Variants in FHIT observed in about 807,000 individuals in gnomAD.
The protein encoded by FHIT is fragile histidine triad diadenosine triphosphatase, also known as bis(5'-adenosyl)-triphosphatase.
FHIT carries 19 observed loss-of-function variants against 17.9 expected under a neutral mutation model. The ratio of observed to expected loss-of-function variants is 1.06; its 90% CI spans 0.74 to 1.56. The LOEUF is 1.56. Ranked by LOEUF, FHIT falls within the 40% of genes most tolerant of loss-of-function variation. The probability of loss-of-function intolerance (pLI) is 0.00; values close to 1 mark genes in which losing one functional copy is unlikely to be tolerated. For missense variants in FHIT, 248 were observed against 189.2 expected (o/e 1.31, Z -1.82); for synonymous variants, 81 against 69.7 (o/e 1.16, Z -0.81).
intron 8 of FHIT, among the ~76,000 whole-genome samples, chr3:59,886,731 C>T (rs1234955642): frequency 6.6e-6 from 1 of 152,192 alleles, no homozygotes; most frequent in African/African-American, 2.4e-5. Flanking sequence ...TGAGGCCCCA[C>T]TTCCAATATT....
chr3:59,858,087 CAG>C (rs1702244653), intron 8 of FHIT, among the ~76,000 whole-genome samples: 1 of 152,158 alleles, frequency 6.6e-6, no homozygotes, highest in Non-Finnish European at 1.5e-5. Flanking sequence ...GTAAGTAATG[CAG>C]AGAGAGTAAA....
At chr3:60,623,103 C>T (rs1553679380) in intron 4 of FHIT, among the ~76,000 whole-genome samples, 1 of 152,166 alleles carries the variant, frequency 6.6e-6, no homozygotes, top group Non-Finnish European at 1.5e-5. Context: ...ACCTACAGTG[C>T]CTAGTGCGGG....
chr3:60,571,337 A>ATAAT (rs71092618), intron 4 of FHIT, among the ~76,000 whole-genome samples: 1 of 76,234 alleles, frequency 1.3e-5, no homozygotes, highest in Non-Finnish European at 2.7e-5. Flanking sequence ...CTCCATCGCA[A>ATAAT]AAAAAAAAAA....
chr3:60,621,106 C>T (rs1467147802), intron 4 of FHIT, among the ~76,000 whole-genome samples: 3 of 151,384 alleles, frequency 2.0e-5, no homozygotes, highest in Non-Finnish European at 4.4e-5. Context: ...GGCAAATGCT[C>T]CTCACAGTTT....
At chr3:61,043,054 A>G (rs926942196) in intron 2 of FHIT, among the ~76,000 whole-genome samples, 2 of 152,132 alleles carry the variant, frequency 1.3e-5, no homozygotes, top group Non-Finnish European at 2.9e-5. Context: ...CGCAGAAGAC[A>G]GGTGATTTCT....
chr3:60,539,120 A>G (rs2036091776), intron 4 of FHIT, among the ~76,000 whole-genome samples: 1 of 152,232 alleles, frequency 6.6e-6, no homozygotes, highest in Non-Finnish European at 1.5e-5. Context: ...CCCCATCAAC[A>G]AGTGGGCGAA....
intron 2 of FHIT, among the ~76,000 whole-genome samples, chr3:61,079,077 C>T (rs2035053567): frequency 6.6e-6 from 1 of 152,042 alleles, no homozygotes. Context: ...AGAGATTGTT[C>T]TCAAAATGTT....
chr3:60,357,941 T>C lies in FHIT; in HGVS notation c.103+178919A>G, dbSNP rs149346688. Among the ~76,000 whole-genome samples, 437 of 152,268 alleles carry C rather than the reference T, an allele frequency of 2.9e-3. 6 individuals carry two copies. The Middle Eastern group carries it at 0.041, about 14-fold the overall frequency. Reference sequence around the variant, plus strand: ...CCCAGTAGATAAAAGACTCTCATAATTGTATTATGTACAGCAGCATCAGCA... The same window carrying C: ...CCCAGTAGATAAAAGACTCTCATAACTGTATTATGTACAGCAGCATCAGCA... On this transcript the variant is annotated intron_variant, in intron 5 of 9. Coordinates refer to ENST00000492590, the MANE Select transcript of FHIT (RefSeq NM_002012.4).
At chr3:59,856,862 C>A (rs552985895) in intron 8 of FHIT, among the ~76,000 whole-genome samples, 2 of 130,584 alleles carry the variant, frequency 1.5e-5, no homozygotes, top group Non-Finnish European at 3.2e-5. Flanking sequence ...CTTAGCTCCC[C>A]GGCTGAGTAT....
chr3:60,467,057 T>C (rs991001752), intron 5 of FHIT, among the ~76,000 whole-genome samples: 1 of 152,020 alleles, frequency 6.6e-6, no homozygotes, highest in African/African-American at 2.4e-5. Context: ...TTACTTCGTC[T>C]GTTCAGGTTT....
At chr3:59,933,893 T>C (rs1266732013) in intron 7 of FHIT, among the ~76,000 whole-genome samples, 1 of 152,184 alleles carries the variant, frequency 6.6e-6, no homozygotes, top group Non-Finnish European at 1.5e-5. Flanking sequence ...TGTGAAAGTT[T>C]TTAAAGAATG....
rs1003704416 is a variant in FHIT at position 61,016,349 on chromosome 3, A to C, written c.-111+25698T>G. On this transcript the variant is annotated intron_variant, in intron 3 of 9. Transcript: ENST00000492590. ...CCTAGGGTAGAAAACAGGGAACAAC[A>C]AAAATAAGTACCACGTTGTCAAAAC... is the stretch of plus-strand genomic sequence containing the variant. Among the ~76,000 whole-genome samples the C allele has an allele frequency of 5.3e-5, 8 of 152,350 alleles. No individual in the cohort carries two copies. The South Asian group carries it at 1.4e-3, about 28-fold the overall frequency.
At chr3:61,167,074 G>C (rs1236763078) in intron 2 of FHIT, 1 of 152,114 alleles carries the variant, frequency 6.6e-6, no homozygotes, top group Non-Finnish European at 1.5e-5. Flanking sequence ...AGCATATCTT[G>C]ACACAGAAAA....
At chr3:60,417,111 A>T (rs971842945) in intron 5 of FHIT, among the ~76,000 whole-genome samples, 14 of 150,986 alleles carry the variant, frequency 9.3e-5, no homozygotes, top group South Asian at 2.1e-4. Context: ...AAAAAAAAAA[A>T]TTTGAGAACA....
At chr3:60,433,371 G>A (rs1012601899) in intron 5 of FHIT, among the ~76,000 whole-genome samples, 1 of 152,144 alleles carries the variant, frequency 6.6e-6, no homozygotes, top group Non-Finnish European at 1.5e-5. Context: ...GAATAATGCT[G>A]CAATGAACAT....
intron 2 of FHIT, among the ~76,000 whole-genome samples, chr3:61,054,122 A>C (rs66633585): frequency 0.16 from 24,663 of 152,160 alleles, 3,201 homozygotes; most frequent in East Asian, 0.66. Flanking sequence ...TTCATAAGAA[A>C]TGAAGTCTTC....
chr3:60,678,765 G>C (rs1353157417), intron 4 of FHIT, among the ~76,000 whole-genome samples: 1 of 152,106 alleles, frequency 6.6e-6, no homozygotes, highest in Non-Finnish European at 1.5e-5. Context: ...TTTGTCCCAA[G>C]AGTGGCTCCA....
Position 61,094,123 on chromosome 3 carries a change from A to AGTATGTGT in FHIT, c.-163-52025_-163-52024insACACATAC, listed in dbSNP as rs1553836697. On this transcript the variant is annotated intron_variant, in intron 2 of 9. Transcript: ENST00000492590. ...ATATATACATGTATGAATGCAACCA[A>AGTATGTGT]GTGTGTGTGTGTGTGTGTGTGTATT... Among the ~76,000 whole-genome samples the AGTATGTGT allele has an allele frequency of 8.2e-3, 1,234 of 150,274 alleles. 18 individuals carry two copies. The highest frequency in any genetic ancestry group is 0.028 in the African/African-American group (1,154 of 41,046).
At chr3:60,085,692 C>A (rs974609461) in intron 5 of FHIT, among the ~76,000 whole-genome samples, 2 of 152,186 alleles carry the variant, frequency 1.3e-5, no homozygotes, top group African/African-American at 2.4e-5. Flanking sequence ...TCTCCAAAGT[C>A]TTCTAAGTGT....
Sources: gnomAD v4.1 joint callset for allele counts (sites outside exome capture counted in the v4.1 genomes callset) on GRCh38, gnomAD v4.1.1 for gene constraint, MANE v1.5 for transcripts, NCBI Gene and HGNC (gene_info 2026-07-23, HGNC 2026-07-21) for gene names.